EPYC: variants seen among roughly 807,000 people sequenced by gnomAD.
EPYC encodes the protein epiphycan.
A neutral mutation model predicts 30.1 loss-of-function variants in EPYC; 28 were observed. The ratio of observed to expected loss-of-function variants is 0.93; its 90% CI spans 0.69 to 1.28. The LOEUF (loss-of-function observed/expected upper bound fraction) is 1.28. Among genes scored for constraint, EPYC ranks in the 50% most tolerant of loss-of-function variants. The pLI is 0.00. For missense variants in EPYC, 382 were observed against 383.5 expected (o/e 1.00, Z 0.03); for synonymous variants, 144 against 141.4 (o/e 1.02, Z -0.13).
Position 90,964,202 on chromosome 12 carries a change from T to A in EPYC, c.923A>T (p.Gln308Leu). 1 of 1,613,454 alleles carries A rather than the reference T, an allele frequency of 6.2e-7. No individual in the cohort carries two copies. Reference sequence around the variant, plus strand: ...CAGACGAGGTAGACACATGTATGCTTGAGGAGTTTTGCTGAGATTAATAGG... The same window carrying A: ...CAGACGAGGTAGACACATGTATGCTAGAGGAGTTTTGCTGAGATTAATAGG... ...GNPINLSKTP[Q>L]AYMCLPRLPV... is the part of the protein sequence containing the mutation. Residue 308 changes from glutamine (Q) to leucine (L), a missense_variant, in exon 7 of 7, where the codon CAA becomes CTA. Transcript: ENST00000261172.
At chr12:90,970,781 G>T (rs536474688) in intron 5 of EPYC, among the ~76,000 whole-genome samples, 2 of 152,318 alleles carry the variant, frequency 1.3e-5, no homozygotes, top group Admixed American at 6.5e-5. Context: ...CTAGCAGAGA[G>T]ACAGGGCATT....
rs567340796 is a variant in EPYC at position 91,004,463 on chromosome 12, A to G, written c.-14+484T>C. Among the ~76,000 whole-genome samples, 3 of 152,182 alleles carry G rather than the reference A, an allele frequency of 2.0e-5. No individual in the cohort carries two copies. In the East Asian group the frequency reaches 5.8e-4, roughly 29 times the overall value. On this transcript the variant is annotated intron_variant, in intron 1 of 6. Coordinates refer to ENST00000261172, the MANE Select transcript of EPYC (RefSeq NM_004950.5). ...CACTTTAATTTTGTGTTCACTTTAT[A>G]CCATTTATTAATATTTTAAAATTTG...
At chr12:90,980,927 T>C (rs1877310349) in intron 2 of EPYC, among the ~76,000 whole-genome samples, 1 of 152,168 alleles carries the variant, frequency 6.6e-6, no homozygotes, top group Admixed American at 6.6e-5. Flanking sequence ...GACTTTGATT[T>C]CAGTCAAAGT....
intron 3 of EPYC, among the ~76,000 whole-genome samples, chr12:90,976,058 C>A (rs1877170130): frequency 6.6e-6 from 1 of 152,012 alleles, no homozygotes; most frequent in African/African-American, 2.4e-5. Flanking sequence ...GTAGATAAAA[C>A]AATTCAAGTG....
intron 3 of EPYC, among the ~76,000 whole-genome samples, chr12:90,974,038 T>TCACACACACACACACA (rs560408641): frequency 5.7e-5 from 8 of 140,364 alleles, no homozygotes; most frequent in Non-Finnish European, 6.2e-5. Flanking sequence ...TTACACACAC[T>TCACACACACACACACA]CACACACACA....
intron 6 of EPYC, among the ~76,000 whole-genome samples, chr12:90,965,958 T>C (rs1239559040): frequency 6.6e-6 from 1 of 152,014 alleles, no homozygotes; most frequent in African/African-American, 2.4e-5. Flanking sequence ...CTGCATACAA[T>C]TGATATTTGT....
chr12:90,987,120 C>A (rs1877468849), intron 2 of EPYC, among the ~76,000 whole-genome samples: 1 of 152,092 alleles, frequency 6.6e-6, no homozygotes, highest in African/African-American at 2.4e-5. Context: ...CCATCTTGGA[C>A]AAGCACTGTC....
At chr12:90,993,970 T>C (rs1877643471) in intron 2 of EPYC, among the ~76,000 whole-genome samples, 1 of 152,168 alleles carries the variant, frequency 6.6e-6, no homozygotes, top group African/African-American at 2.4e-5. Flanking sequence ...TCAGCATATG[T>C]ATTTTGTGAG....
At chr12:90,973,231 T>C (rs1877099000) in intron 3 of EPYC, among the ~76,000 whole-genome samples, 1 of 152,170 alleles carries the variant, frequency 6.6e-6, no homozygotes, top group Non-Finnish European at 1.5e-5. Flanking sequence ...AAATTCTATA[T>C]TCAAAATTTA....
intron 2 of EPYC, among the ~76,000 whole-genome samples, chr12:90,988,681 G>A (rs1355744778): frequency 6.6e-6 from 1 of 152,090 alleles, no homozygotes; most frequent in African/African-American, 2.4e-5. Flanking sequence ...CTATATTATG[G>A]CAAGTCTTAT....
Position 90,964,324 on chromosome 12 carries a change from A to T in EPYC, c.801T>A (p.Asn267Lys), listed in dbSNP as rs114893153. The change falls in exon 7 of 7, where the codon AAT (asparagine) becomes AAA (lysine). Residue 267 changes from asparagine to lysine, a missense_variant and splice_region_variant. By Grantham distance (94) the Asn-to-Lys change is moderately conservative. Coordinates refer to ENST00000261172, the MANE Select transcript of EPYC (RefSeq NM_004950.5). ...PENLRALHLQ[N>K]NNILEMHEDT... ...CTTCGTGCATTTCCAGAATGTTGTT[A>T]TTCTAAAAAAGATGAAAATAAATTA... 5.0e-6 allele frequency: 8 copies of T among 1,599,560 alleles called. No homozygotes were observed. In the East Asian group the frequency reaches 9.0e-5, roughly 18 times the overall value.
At chr12:90,969,085 ATATT>A (rs1876970523) in intron 6 of EPYC, among the ~76,000 whole-genome samples, 1 of 151,450 alleles carries the variant, frequency 6.6e-6, no homozygotes. Flanking sequence ...AAATATGAAA[ATATT>A]TATATTAATA....
rs1444678633 is a variant in EPYC at position 90,963,747 on chromosome 12, T to C, written c.*409A>G. On this transcript the variant is annotated 3_prime_UTR_variant, in exon 7 of 7. Coordinates refer to ENST00000261172, the MANE Select transcript of EPYC (RefSeq NM_004950.5). ...ATGGATTAGGGGAATAAACATGCTT[T>C]AGTGAAAAAAAAAGGAAGAGAAAAG... 2 of 152,816 alleles carry C rather than the reference T, an allele frequency of 1.3e-5. No homozygotes were observed. The highest frequency in any genetic ancestry group is 4.8e-5 in the African/African-American group (2 of 41,438). 9.5% of individuals were successfully genotyped at this position (152,816 alleles called of 1,614,324 possible). A position where few individuals can be genotyped will look rare whatever the true frequency, so the allele number is the denominator to read the frequency against.
At chr12:90,996,867 T>C (rs1877703946) in intron 2 of EPYC, among the ~76,000 whole-genome samples, 1 of 152,060 alleles carries the variant, frequency 6.6e-6, no homozygotes, top group South Asian at 2.1e-4. Context: ...CCAGAAAGGA[T>C]ACGGACAGTT....
chr12:90,981,323 C>T (rs1016863977), intron 2 of EPYC, among the ~76,000 whole-genome samples: 90 of 152,256 alleles, frequency 5.9e-4, no homozygotes, highest in African/African-American at 2.0e-3. Flanking sequence ...CCTGAAGTGT[C>T]TCAGACTAAG....
intron 2 of EPYC, among the ~76,000 whole-genome samples, chr12:90,983,164 G>A (rs1877360842): frequency 6.6e-6 from 1 of 152,038 alleles, no homozygotes; most frequent in Admixed American, 6.6e-5. Context: ...TTATCTTTTA[G>A]TAGCCATGTA....
intron 3 of EPYC, among the ~76,000 whole-genome samples, chr12:90,976,634 G>T (rs1205730105): frequency 6.6e-6 from 1 of 151,774 alleles, no homozygotes. Context: ...CTCTCTTTTT[G>T]TCTCCCAATG....
At chr12:90,980,770 A>G (rs1310418573) in intron 2 of EPYC, among the ~76,000 whole-genome samples, 1 of 152,198 alleles carries the variant, frequency 6.6e-6, no homozygotes, top group Middle Eastern at 3.2e-3. Context: ...ACAAATATTC[A>G]TAAATTCTTT....
chr12:90,976,018 CA>C (rs2120818332), intron 3 of EPYC, among the ~76,000 whole-genome samples: 1 of 152,148 alleles, frequency 6.6e-6, no homozygotes, highest in East Asian at 1.9e-4. Flanking sequence ...GTGCCTAGTA[CA>C]TAGTGTTTTG....
Sources: allele counts gnomAD v4.1 joint callset (sites outside exome capture counted in the v4.1 genomes callset), GRCh38; gene constraint gnomAD v4.1.1; transcripts MANE v1.5; gene names NCBI Gene and HGNC (gene_info 2026-07-23, HGNC 2026-07-21).